The following FRMD8 variants were observed in gnomAD, a reference collection of about 807,000 sequenced individuals.
FRMD8 encodes FERM domain-containing protein 8.
FRMD8 carries 37 observed loss-of-function variants against 54.2 expected under a neutral mutation model. The ratio of observed to expected loss-of-function variants is 0.68; its 90% CI spans 0.53 to 0.90. FRMD8 has a LOEUF of 0.90. Among genes scored for constraint, FRMD8 ranks in the 40% least tolerant of loss-of-function variants. FRMD8 has a pLI of 0.00. For synonymous variants in FRMD8, 246 were observed against 286.9 expected, an observed-to-expected ratio of 0.86 and a Z score of 1.44; for missense variants, 585 against 653.7, an observed-to-expected ratio of 0.89 and a Z score of 1.15.
At chr11:65,388,099 G>A (rs1465936303) in intron 2 of FRMD8, among the ~76,000 whole-genome samples, 1 of 151,982 alleles carries the variant, frequency 6.6e-6, no homozygotes, top group East Asian at 1.9e-4. Context: ...GAGAGGCGGA[G>A]GTTGCGGTGA....
At chr11:65,377,527 TCTC>T in the FRMD8 span, 1 of 569,592 alleles carries the variant, frequency 1.8e-6, no homozygotes, top group South Asian at 7.1e-5. Context: ...TGAGTGCTGT[TCTC>T]CTGCGCCCAC....
rs1484949054 is a variant in FRMD8 at position 65,401,298 on chromosome 11, TCTACC to T, written c.1071+433_1071+437del. ...GTTTTACTCAGCACCGAGCACCTCTTCTACCCCAGCCTCCCTCCCCAGCCTCCCTC... is the reference window on the plus strand; with the variant it reads ...GTTTTACTCAGCACCGAGCACCTCTTCCAGCCTCCCTCCCCAGCCTCCCTC... On this transcript the variant is annotated intron_variant, in intron 9 of 10. Coordinates refer to ENST00000317568, the MANE Select transcript of FRMD8 (RefSeq NM_031904.5). 2.6e-3 allele frequency among the ~76,000 whole-genome samples: 364 copies of T among 142,574 alleles called. 4 individuals carry two copies. Among genetic ancestry groups the T allele is most frequent in the African/African-American group, 7.8e-3 (281 of 36,152 alleles). The allele number at this position is 142,574 out of a possible 152,430, so 93.5% of individuals were successfully genotyped here. A position where few individuals can be genotyped will look rare whatever the true frequency, so the allele number is the denominator to read the frequency against.
the FRMD8 span, chr11:65,376,908 G>A: frequency 6.2e-7 from 1 of 1,613,496 alleles, no homozygotes; most frequent in South Asian, 1.1e-5. Context: ...CTCAGCGTCA[G>A]GGCCCAGGCT....
At chr11:65,396,361 C>T (rs994740278) in intron 6 of FRMD8, among the ~76,000 whole-genome samples, 6 of 152,174 alleles carry the variant, frequency 3.9e-5, no homozygotes, top group South Asian at 2.1e-4. Context: ...TGGCTTCAGA[C>T]GGTGACCCCG....
At chr11:65,376,964 G>A in the FRMD8 span, 1 of 1,613,278 alleles carries the variant, frequency 6.2e-7, no homozygotes, top group Non-Finnish European at 8.5e-7. Flanking sequence ...GATGGAGGCT[G>A]CACAGTGCAC....
the FRMD8 span, among the ~76,000 whole-genome samples, chr11:65,369,595 T>C: frequency 4.0e-5 from 6 of 150,510 alleles, no homozygotes; most frequent in Admixed American, 4.0e-4. Flanking sequence ...CCAGGCTTGG[T>C]GGTGGGCACC....
chr11:65,381,627 G>A (rs1480716971), upstream of FRMD8: 1 of 344,318 alleles, frequency 2.9e-6, no homozygotes, highest in Non-Finnish European at 5.5e-6. Flanking sequence ...GAGTGCAGTG[G>A]TGCAGTCATA....
Position 65,410,020 on chromosome 11 carries a change from C to T in FRMD8, c.1277-1222C>T, listed in dbSNP as rs1225515697. Among the ~76,000 whole-genome samples, 5 of 151,496 alleles carry T rather than the reference C, an allele frequency of 3.3e-5. No individual in the cohort carries two copies. The East Asian group carries it at 5.9e-4, about 18-fold the overall frequency. On this transcript the variant is annotated intron_variant, in intron 10 of 10. Coordinates refer to ENST00000317568, the MANE Select transcript of FRMD8 (RefSeq NM_031904.5). ...GCTTAGGAGGTAAGGCTGCAGTGAGCCGTGATTGTAACACTGCACTCCAGC... is the reference window on the plus strand; with the variant it reads ...GCTTAGGAGGTAAGGCTGCAGTGAGTCGTGATTGTAACACTGCACTCCAGC...
intron 6 of FRMD8, among the ~76,000 whole-genome samples, chr11:65,396,442 C>CT (rs1219863995): frequency 6.6e-6 from 1 of 152,158 alleles, no homozygotes; most frequent in African/African-American, 2.4e-5. Flanking sequence ...TGGCCTGCAC[C>CT]TGGAGAGCTT....
In FRMD8 at chr11:65,404,483, GT is replaced by G. The variant is rs1856147293; in HGVS notation, c.1072-377del. Among the ~76,000 whole-genome samples the G allele has an allele frequency of 1.3e-5, 2 of 151,874 alleles. No individual in the cohort carries two copies. The highest frequency in any genetic ancestry group is 4.8e-5 in the African/African-American group (2 of 41,348). On this transcript the variant is annotated intron_variant, in intron 9 of 10. Transcript: ENST00000317568. This position sits in a 1 kb window ranked among gnomAD's most constrained non-coding sequence, Gnocchi z 4.7. ...TCGCGCCCCTTCCTCCTGGCTGCAG[GT>G]TTTCCTCCCAGCCAGCACCACCCGC...
At chr11:65,394,889 GCC>G (rs1224074856) in intron 6 of FRMD8, among the ~76,000 whole-genome samples, 1 of 152,240 alleles carries the variant, frequency 6.6e-6, no homozygotes, top group African/African-American at 2.4e-5. Flanking sequence ...GATTGAGTCT[GCC>G]CTGCCAAAGC....
chr11:65,412,821 G>C lies in FRMD8; in HGVS notation c.*1461G>C, dbSNP rs1253307333. The stretch of plus-strand genomic sequence containing the variant: ...GTTAAAATAATAGGCGGAAAGAAGA[G>C]GCCTGGGAAGGGCCCCCAGTCTTTT... On this transcript the variant is annotated 3_prime_UTR_variant, in exon 11 of 11. Transcript: ENST00000317568. 2.0e-5 allele frequency: 3 copies of C among 152,188 alleles called. No homozygotes were observed. The highest frequency in any genetic ancestry group is 4.4e-5 in the Non-Finnish European group (3 of 68,044). The allele number at this position is 152,188 out of a possible 1,614,324, so 9.4% of individuals were successfully genotyped here. A position where few individuals can be genotyped will look rare whatever the true frequency, so the allele number is the denominator to read the frequency against.
chr11:65,381,145 T>G, the FRMD8 span: 1 of 153,046 alleles, frequency 6.5e-6, no homozygotes, highest in Admixed American at 6.5e-5. Flanking sequence ...ACTTTTTTTT[T>G]TTGACACAGG....
At position 65,400,003 on chromosome 11, in the gene FRMD8, G is replaced by A. The variant is rs761149718; in HGVS notation, c.927+144G>A. On this transcript the variant is annotated intron_variant, in intron 8 of 10. Transcript: ENST00000317568. The surrounding 1 kb of genome is among the most constrained non-coding windows in gnomAD (Gnocchi z 4.3). ...GACCCTGCCTCCGTTGGATGTCCTC[G>A]TAGCCCCTGAGGGTGATCCTGGGTC... is the stretch of plus-strand genomic sequence containing the variant. The A allele has an allele frequency of 3.7e-5, 37 of 993,596 alleles. No homozygotes were observed. Among genetic ancestry groups the A allele is most frequent in the South Asian group, 6.6e-5 (4 of 60,588 alleles). The allele number at this position is 993,596 out of a possible 1,614,324, so 61.5% of individuals were successfully genotyped here. A position where few individuals can be genotyped will look rare whatever the true frequency, so the allele number is the denominator to read the frequency against.
At chr11:65,408,139 A>G (rs963380056) in intron 10 of FRMD8, among the ~76,000 whole-genome samples, 3 of 148,562 alleles carry the variant, frequency 2.0e-5, no homozygotes, top group African/African-American at 5.0e-5. Flanking sequence ...AAATGGTGCG[A>G]TATCGGCTCA....
chr11:65,394,380 A>T lies in FRMD8; in HGVS notation c.536A>T (p.Gln179Leu). The T allele has an allele frequency of 6.3e-7, 1 of 1,575,768 alleles. No individual in the cohort carries two copies. Among genetic ancestry groups the T allele is most frequent in the Non-Finnish European group, 8.6e-7 (1 of 1,162,010 alleles). The change falls in exon 6 of 11, where the codon CAG (glutamine) becomes CTG (leucine). Residue 179 changes from glutamine to leucine, a missense_variant. Physicochemically the swap from Gln to Leu is moderately radical, Grantham distance 113. Coordinates refer to ENST00000317568, the MANE Select transcript of FRMD8 (RefSeq NM_031904.5). ...CTGGGCGCCCTGGTGTGCCGCGTGCAGCTTGGGCCCTACCAGCCCGGCCGG... is the reference window on the plus strand; with the variant it reads ...CTGGGCGCCCTGGTGTGCCGCGTGCTGCTTGGGCCCTACCAGCCCGGCCGG... ...EALGALVCRVQLGPYQPGRPA... is the reference protein window; with the variant it reads ...EALGALVCRVLLGPYQPGRPA...
In FRMD8 at chr11:65,401,360, C is replaced by CTT. The variant is rs1328393439; in HGVS notation, c.1071+493_1071+494insTT. Among the ~76,000 whole-genome samples, 11 of 123,718 alleles carry CTT rather than the reference C, an allele frequency of 8.9e-5. 1 individual carries two copies. The highest frequency in any genetic ancestry group is 3.8e-3 in the Middle Eastern group (1 of 260). 81.2% of individuals were successfully genotyped at this position (123,718 alleles called of 152,430 possible). ...CTCCCTCCCCTGCCTCCCTCCCCTG[C>CTT]CTCCCTCCCCTGCTTCCCTCCCCAG... On this transcript the variant is annotated intron_variant, in intron 9 of 10. Transcript: ENST00000317568.
chr11:65,394,097 C>T lies in FRMD8; in HGVS notation c.412C>T (p.Gln138Ter). 1 of 1,613,888 alleles carries T rather than the reference C, an allele frequency of 6.2e-7. No individual in the cohort carries two copies. The highest frequency in any genetic ancestry group is 8.5e-7 in the Non-Finnish European group (1 of 1,179,910). ...GTTCTTCCCAAAGCGGCGGGAGCTC[C>T]AGGTGAGGCAGGAGCCCTGGTGGCC... ...NVFFPKRREL[Q>*]IHDEEVLRLL... The change falls in exon 5 of 11, where the codon CAG becomes TAG. Residue 138 changes from glutamine to a stop codon, truncating the protein, a stop_gained and splice_region_variant. Coordinates refer to ENST00000317568, the MANE Select transcript of FRMD8 (RefSeq NM_031904.5). LOFTEE classifies it high-confidence loss of function.
chr11:65,400,778 G>A lies in FRMD8; in HGVS notation c.982G>A (p.Glu328Lys), dbSNP rs757987706. Reference sequence around the variant, plus strand: ...GCTGTCGTGGGACCACACCTCCCCCGAGGAGGAGGAGCCCATCTTGTGGCT... The same window carrying A: ...GCTGTCGTGGGACCACACCTCCCCCAAGGAGGAGGAGCCCATCTTGTGGCT... ...QELSWDHTSP[E>K]EEEPILWLEF... is the part of the protein sequence containing the mutation. Residue 328 changes from glutamate to lysine, a missense_variant, in exon 9 of 11, where the codon GAG becomes AAG. Transcript: ENST00000317568. This position sits in a 1 kb window ranked among gnomAD's most constrained non-coding sequence, Gnocchi z 4.3. 16 of 1,611,546 alleles carry A rather than the reference G, an allele frequency of 9.9e-6. No homozygotes were observed. Among genetic ancestry groups the A allele is most frequent in the East Asian group, 2.2e-5 (1 of 44,842 alleles).
Sources: allele counts gnomAD v4.1 joint callset (sites outside exome capture counted in the v4.1 genomes callset), GRCh38; gene constraint gnomAD v4.1.1; non-coding constraint Gnocchi (gnomAD v3.1); transcripts MANE v1.5; gene names NCBI Gene and HGNC (gene_info 2026-07-23, HGNC 2026-07-21).